The following KLHL23 variants were observed in gnomAD, a reference collection of about 807,000 sequenced individuals.
The protein encoded by KLHL23 is kelch-like protein 23.
Under a neutral mutation model 48.9 loss-of-function variants are expected in KLHL23, and 33 were observed. The ratio of observed to expected loss-of-function variants is 0.67; its 90% CI spans 0.51 to 0.90. KLHL23 has a LOEUF of 0.90. Ranked by LOEUF, KLHL23 falls within the 40% of genes least tolerant of loss-of-function variation. The probability of loss-of-function intolerance (pLI) is 0.00; values close to 1 mark genes in which losing one functional copy is unlikely to be tolerated. For missense variants in KLHL23, 608 were observed against 669.6 expected, an observed-to-expected ratio of 0.91 and a Z score of 1.02; for synonymous variants, 234 against 231.6, an observed-to-expected ratio of 1.01 and a Z score of -0.09.
At chr2:169,749,366 C>A in intron 3 of KLHL23, 56 bp from the exon 4 acceptor site, 5 of 1,461,052 alleles carry the variant, frequency 3.4e-6, no homozygotes, top group Non-Finnish European at 4.6e-6. Context: ...ACTGTGGAAT[C>A]TCTTTTGTTT....
In KLHL23 at chr2:169,749,619, A is replaced by G. The variant is rs761701864; in HGVS notation, c.1564A>G (p.Thr522Ala). ...TGGAGGATACTCCTACTCAAAGGGAACGTATCTTCAGAGCATTGAGAAATA... is the reference window on the plus strand; with the variant it reads ...TGGAGGATACTCCTACTCAAAGGGAGCGTATCTTCAGAGCATTGAGAAATA... ...VTGGYSYSKG[T>A]YLQSIEKYDP... Residue 522 changes from threonine (T) to alanine (A), a missense_variant, in exon 4 of 4, where the codon ACG (threonine) becomes GCG (alanine). By Grantham distance (58) the Thr-to-Ala change is moderately conservative. This residue lies in a region of KLHL23 where 179 missense variants were observed against 169.9 expected (regional missense o/e 1.05). Transcript: ENST00000392647. 25 of 1,614,110 alleles carry G rather than the reference A, an allele frequency of 1.5e-5. 1 individual carries two copies. In the South Asian group the frequency reaches 2.4e-4, roughly 16 times the overall value.
chr2:169,748,388 C>T (rs1463107156), intron 3 of KLHL23, among the ~76,000 whole-genome samples: 1 of 152,206 alleles, frequency 6.6e-6, no homozygotes, highest in Non-Finnish European at 1.5e-5. Flanking sequence ...TTTGAATGCA[C>T]TGACAAATCC....
chr2:169,741,236 T>C (rs1688670394), intron 2 of KLHL23, 149 bp from the exon 3 acceptor site: 1 of 1,039,280 alleles, frequency 9.6e-7, no homozygotes, highest in East Asian at 2.6e-5. Context: ...GAGCCTTCCT[T>C]TTTTATTCTT....
At position 169,735,621 on chromosome 2, in the gene KLHL23, C is replaced by G. The variant is rs1688491361; in HGVS notation, c.607C>G (p.Pro203Ala). The change falls in exon 2 of 4, where the codon CCA (proline) becomes GCA (alanine). Residue 203 changes from proline to alanine, a missense_variant. By Grantham distance (27) the Pro-to-Ala change is conservative. Around this residue, in one of 3 missense-constraint regions of KLHL23, gnomAD observed 419 missense variants for 473.1 expected, o/e 0.89. Transcript: ENST00000392647. The surrounding 1 kb of genome is among the most constrained non-coding windows in gnomAD (Gnocchi z 4.5). ...SVWKEEAIIE[P>A]VIKWTAHDVE... The stretch of plus-strand genomic sequence containing the variant: ...TTGGAAAGAAGAAGCTATCATAGAG[C>G]CAGTTATTAAGTGGACTGCTCATGA... 6.2e-7 allele frequency: 1 copy of G among 1,613,888 alleles called. No individual in the cohort carries two copies. Among genetic ancestry groups the G allele is most frequent in the Non-Finnish European group, 8.5e-7 (1 of 1,180,040 alleles).
intron 3 of KLHL23, among the ~76,000 whole-genome samples, chr2:169,744,643 C>A (rs1426676553): frequency 6.6e-6 from 1 of 151,170 alleles, no homozygotes; most frequent in East Asian, 2.0e-4. Flanking sequence ...ACCGCAACAT[C>A]CGCATCCCAG....
intron 2 of KLHL23, 55 bp from the exon 3 acceptor site, chr2:169,741,330 A>G (rs1235842360): frequency 1.3e-6 from 2 of 1,556,018 alleles, no homozygotes; most frequent in East Asian, 4.5e-5. Context: ...CCCAGGGTTC[A>G]CTGCAAAAAA....
At chr2:169,742,817 G>C (rs963696470) in intron 3 of KLHL23, among the ~76,000 whole-genome samples, 2 of 152,234 alleles carry the variant, frequency 1.3e-5, no homozygotes, top group African/African-American at 4.8e-5. Context: ...TGTGATCAGT[G>C]AAGTTATAAT....
rs1198134963 is a variant in KLHL23 at position 169,749,708 on chromosome 2, G to A, written c.1653G>A (p.Gly551=). The A allele has an allele frequency of 1.9e-6, 3 of 1,606,274 alleles. No individual in the cohort carries two copies. The highest frequency in any genetic ancestry group is 1.3e-5 in the African/African-American group (1 of 74,750). The change falls in exon 4 of 4, where the codon GGG becomes GGA. Residue 551 remains glycine, a synonymous_variant. Transcript: ENST00000392647. The part of the protein sequence containing the change: ...GNLPSAMRSH[G]CVCVYNV Reference sequence around the variant, plus strand: ...TTCCCAGTGCCATGCGGTCTCATGGGTGTGTTTGTGTGTATAATGTCTAAT... The same window carrying A: ...TTCCCAGTGCCATGCGGTCTCATGGATGTGTTTGTGTGTATAATGTCTAAT...
At chr2:169,737,625 T>C (rs201226437) in intron 2 of KLHL23, among the ~76,000 whole-genome samples, 2 of 114,916 alleles carry the variant, frequency 1.7e-5, no homozygotes, top group African/African-American at 3.2e-5. Context: ...TTTTCTTTTT[T>C]TTTTTTTGAG....
Position 169,749,569 on chromosome 2 carries a change from T to G in KLHL23, c.1514T>G (p.Ile505Ser). The change falls in exon 4 of 4, where the codon ATC becomes AGC. Residue 505 changes from isoleucine (I) to serine (S), a missense_variant. Ile to Ser is a moderately radical substitution (Grantham distance 142, BLOSUM62 -2). Transcript: ENST00000392647. ...AGGAGGATGGAGTGCGGTGCCGTCA[T>G]CATGAATGGATGTATTTATGTCACT... ...MERRMECGAV[I>S]MNGCIYVTGG... 6.2e-7 allele frequency: 1 copy of G among 1,614,074 alleles called. No individual in the cohort carries two copies. Among genetic ancestry groups the G allele is most frequent in the South Asian group, 1.1e-5 (1 of 91,082 alleles).
intron 1 of KLHL23, 64 bp downstream of exon 1, chr2:169,734,151 G>A (rs1688451076): frequency 6.8e-6 from 1 of 147,202 alleles, no homozygotes; most frequent in Non-Finnish European, 1.5e-5. Flanking sequence ...GCCGGGCGCG[G>A]GGAGCGGGGC....
chr2:169,742,153 G>C (rs1490024621), intron 3 of KLHL23, among the ~76,000 whole-genome samples: 1 of 152,174 alleles, frequency 6.6e-6, no homozygotes, highest in Non-Finnish European at 1.5e-5. Context: ...GTTTTAGTCT[G>C]TTTCAGTTAT....
chr2:169,738,242 T>C (rs1293038291), intron 2 of KLHL23, among the ~76,000 whole-genome samples: 2 of 152,076 alleles, frequency 1.3e-5, no homozygotes, highest in African/African-American at 4.8e-5. Context: ...TACAGAACTT[T>C]TTTTAAACAA....
intron 2 of KLHL23, among the ~76,000 whole-genome samples, chr2:169,740,791 T>TATATATATATA (rs1291405019): frequency 1.4e-5 from 2 of 140,236 alleles, no homozygotes; most frequent in African/African-American, 5.5e-5. Flanking sequence ...TATATATATA[T>TATATATATATA]AACTTATTTA....
chr2:169,734,805 C>G (rs1278823264), intron 1 of KLHL23, among the ~76,000 whole-genome samples: 3 of 152,124 alleles, frequency 2.0e-5, no homozygotes, highest in Admixed American at 2.0e-4. Context: ...AATCCAGGAG[C>G]CTCATTTCAA....
chr2:169,744,937 T>G (rs927480004), intron 3 of KLHL23, among the ~76,000 whole-genome samples: 2 of 129,264 alleles, frequency 1.5e-5, no homozygotes, highest in Non-Finnish European at 3.3e-5. Flanking sequence ...TAGGTTTTTG[T>G]TTTTTGTTTT....
chr2:169,746,297 T>C (rs1267506842), intron 3 of KLHL23, among the ~76,000 whole-genome samples: 2 of 152,264 alleles, frequency 1.3e-5, no homozygotes, highest in East Asian at 3.9e-4. Flanking sequence ...TGAGAAAAGA[T>C]CTTAGGAAAA....
intron 2 of KLHL23, among the ~76,000 whole-genome samples, chr2:169,739,260 A>G (rs1355847158): frequency 6.6e-6 from 1 of 151,406 alleles, no homozygotes; most frequent in Non-Finnish European, 1.5e-5. Flanking sequence ...GGCCCTCGAG[A>G]CCGCCCACCC....
chr2:169,749,506 A>G lies in KLHL23; in HGVS notation c.1451A>G (p.Glu484Gly), dbSNP rs1231052222. ...QTTITECYDP[E>G]QNEWREIAPM... ...ACAATCACAGAATGCTATGACCCTGAACAAAATGAATGGAGAGAGATAGCT... is the reference window on the plus strand; with the variant it reads ...ACAATCACAGAATGCTATGACCCTGGACAAAATGAATGGAGAGAGATAGCT... The change falls in exon 4 of 4, where the codon GAA becomes GGA. Residue 484 changes from glutamate (E) to glycine (G), a missense_variant. Physicochemically the swap from Glu to Gly is moderately conservative, Grantham distance 98. Around this residue, in one of 3 missense-constraint regions of KLHL23, gnomAD observed 179 missense variants for 169.9 expected, o/e 1.05. Transcript: ENST00000392647. 1.9e-6 allele frequency: 3 copies of G among 1,614,148 alleles called. No homozygotes were observed. The highest frequency in any genetic ancestry group is 2.5e-6 in the Non-Finnish European group (3 of 1,180,026).
Sources: allele counts gnomAD v4.1 joint callset (sites outside exome capture counted in the v4.1 genomes callset), GRCh38; gene constraint gnomAD v4.1.1; regional missense constraint gnomAD v4.1.1; non-coding constraint Gnocchi (gnomAD v3.1); transcripts MANE v1.5; gene names NCBI Gene and HGNC (gene_info 2026-07-23, HGNC 2026-07-21).